Variants in ATP6V1G1 observed in about 807,000 individuals in gnomAD.
ATP6V1G1 encodes ATPase H+ transporting V1 subunit G1.
Under a neutral mutation model 14.2 loss-of-function variants are expected in ATP6V1G1, and 14 were observed. The ratio of observed to expected loss-of-function variants is 0.99; its 90% CI spans 0.65 to 1.55. ATP6V1G1 has a LOEUF of 1.55. Among genes scored for constraint, ATP6V1G1 ranks in the 40% most tolerant of loss-of-function variants. ATP6V1G1 has a pLI of 0.00. For synonymous variants in ATP6V1G1, 65 were observed against 53.3 expected (o/e 1.22, Z -0.96); for missense variants, 137 against 146.4 (o/e 0.94, Z 0.33).
At chr9:114,595,692 G>T (rs1392323378) in intron 2 of ATP6V1G1, among the ~76,000 whole-genome samples, 1 of 152,016 alleles carries the variant, frequency 6.6e-6, no homozygotes, top group African/African-American at 2.4e-5. Flanking sequence ...GCACAGTGGT[G>T]CACACCTGTG....
intron 1 of ATP6V1G1, chr9:114,588,122 A>T (rs947547951): frequency 1.1e-5 from 7 of 613,592 alleles, no homozygotes; most frequent in Non-Finnish European, 2.0e-5. Context: ...TGAGATGGTA[A>T]ATTGGGCGTG....
rs1253746273 is a variant in ATP6V1G1, at chr9:114,587,821, C to T, written c.-18C>T. 6.3e-7 allele frequency: 1 copy of T among 1,576,474 alleles called. No homozygotes were observed. The highest frequency in any genetic ancestry group is 1.9e-5 in the Admixed American group (1 of 53,772). On this transcript the variant is annotated 5_prime_UTR_variant, in exon 1 of 3. Transcript: ENST00000374050. Reference sequence around the variant, plus strand: ...GGTGCCTTAGGCCGCTTGCCTTGCTCTCAGAATCGCTGCCGCCATGGCTAG... The same window carrying T: ...GGTGCCTTAGGCCGCTTGCCTTGCTTTCAGAATCGCTGCCGCCATGGCTAG...
chr9:114,587,960 G>C (rs1370800107), intron 1 of ATP6V1G1, 40 bp downstream of exon 1: 7 of 1,550,406 alleles, frequency 4.5e-6, no homozygotes, highest in African/African-American at 1.4e-5. Flanking sequence ...GGCGCGAGTC[G>C]AAGAAAGACC....
intron 1 of ATP6V1G1, chr9:114,588,203 G>A (rs779537511): frequency 4.5e-6 from 2 of 446,558 alleles, no homozygotes; most frequent in Non-Finnish European, 8.0e-6. Flanking sequence ...GGAGCTCTTT[G>A]TTCTTCTTCT....
At chr9:114,590,208 A>AC (rs979063077) in intron 1 of ATP6V1G1, among the ~76,000 whole-genome samples, 9 of 151,406 alleles carry the variant, frequency 5.9e-5, no homozygotes, top group Admixed American at 2.6e-4. Context: ...CAAAAAAAAA[A>AC]AAAAACAAAA....
At chr9:114,588,681 T>C (rs1845153602) in intron 1 of ATP6V1G1, among the ~76,000 whole-genome samples, 1 of 152,114 alleles carries the variant, frequency 6.6e-6, no homozygotes, top group Non-Finnish European at 1.5e-5. Flanking sequence ...TGGAGAAATG[T>C]AAGGTTGCTA....
chr9:114,595,497 T>C (rs1208988795), intron 2 of ATP6V1G1, among the ~76,000 whole-genome samples: 1 of 151,898 alleles, frequency 6.6e-6, no homozygotes, highest in Non-Finnish European at 1.5e-5. Flanking sequence ...ACAAAAAAAA[T>C]ACAGAAATTA....
At chr9:114,590,822 C>A (rs1187898662) in intron 1 of ATP6V1G1, among the ~76,000 whole-genome samples, 1 of 151,830 alleles carries the variant, frequency 6.6e-6, no homozygotes, top group African/African-American at 2.4e-5. Context: ...GAGATGGATT[C>A]TCGCTCTGTC....
chr9:114,592,160 G>T (rs1008944085), intron 1 of ATP6V1G1, among the ~76,000 whole-genome samples: 3 of 152,298 alleles, frequency 2.0e-5, no homozygotes, highest in Admixed American at 1.3e-4. Context: ...AAGCATCTGA[G>T]TAGGGTTGCA....
intron 2 of ATP6V1G1, among the ~76,000 whole-genome samples, chr9:114,596,791 C>T (rs1030103295): frequency 1.3e-5 from 2 of 151,962 alleles, no homozygotes; most frequent in Admixed American, 1.3e-4. Context: ...TTTTTAAAAA[C>T]CTTGTATCTC....
At chr9:114,595,872 A>C (rs1308799667) in intron 2 of ATP6V1G1, among the ~76,000 whole-genome samples, 2 of 152,154 alleles carry the variant, frequency 1.3e-5, no homozygotes, top group African/African-American at 4.8e-5. Context: ...TATTATGCAA[A>C]TATGAAGGGA....
At chr9:114,593,299 C>T (rs1215486710) in intron 2 of ATP6V1G1, among the ~76,000 whole-genome samples, 4 of 152,032 alleles carry the variant, frequency 2.6e-5, no homozygotes, top group Non-Finnish European at 4.4e-5. Flanking sequence ...ATGTATTGGC[C>T]TATATAATTA....
intron 2 of ATP6V1G1, among the ~76,000 whole-genome samples, chr9:114,596,352 C>T (rs1845238101): frequency 6.8e-6 from 1 of 147,514 alleles, no homozygotes; most frequent in African/African-American, 2.5e-5. Context: ...CGCGCCACTG[C>T]ACTCCAGCCT....
rs1845269025 is a variant in ATP6V1G1 at position 114,598,743 on chromosome 9, A to G, written c.*1000A>G. On this transcript the variant is annotated 3_prime_UTR_variant, in exon 3 of 3. Coordinates refer to ENST00000374050, the MANE Select transcript of ATP6V1G1 (RefSeq NM_004888.4). ...CTTCATACTAGCCCTTACAAGTTAA[A>G]TGTCCTGTGGCCATCTTAGCCGAAA... is the stretch of plus-strand genomic sequence containing the variant. Among the ~76,000 whole-genome samples, 1 of 152,192 alleles carries G rather than the reference A, an allele frequency of 6.6e-6. No homozygotes were observed. Among genetic ancestry groups the G allele is most frequent in the South Asian group, 2.1e-4 (1 of 4,836 alleles).
intron 1 of ATP6V1G1, among the ~76,000 whole-genome samples, chr9:114,591,904 G>A (rs148735665): frequency 6.6e-6 from 1 of 151,948 alleles, no homozygotes; most frequent in African/African-American, 2.4e-5. Flanking sequence ...CAAACCTAGA[G>A]ATTTTTTCCA....
intron 1 of ATP6V1G1, among the ~76,000 whole-genome samples, chr9:114,590,200 A>G (rs1337263106): frequency 6.8e-6 from 1 of 147,956 alleles, no homozygotes; most frequent in Non-Finnish European, 1.5e-5. Context: ...CGCCGTCTCA[A>G]AAAAAAAAAA....
At chr9:114,593,902 GC>G (rs1478173916) in intron 2 of ATP6V1G1, among the ~76,000 whole-genome samples, 1 of 151,916 alleles carries the variant, frequency 6.6e-6, no homozygotes, top group African/African-American at 2.4e-5. Context: ...ACCAGCCTGG[GC>G]AATAAACCAA....
intron 2 of ATP6V1G1, among the ~76,000 whole-genome samples, chr9:114,596,856 A>G (rs1176284545): frequency 6.6e-6 from 1 of 152,140 alleles, no homozygotes; most frequent in Non-Finnish European, 1.5e-5. Context: ...ATACTGTTGT[A>G]TATCTTGCTT....
rs1311583103 is a variant in ATP6V1G1, at chr9:114,598,871, C to T, written c.*1128C>T. On this transcript the variant is annotated 3_prime_UTR_variant, in exon 3 of 3. Transcript: ENST00000374050. ...ACAACTAGATGACCTTAAAAACCCTCATATTTAATATGACTCAGGATTTTA... is the reference window on the plus strand; with the variant it reads ...ACAACTAGATGACCTTAAAAACCCTTATATTTAATATGACTCAGGATTTTA... Among the ~76,000 whole-genome samples, 1 of 151,890 alleles carries T rather than the reference C, an allele frequency of 6.6e-6. No individual in the cohort carries two copies. The highest frequency in any genetic ancestry group is 1.5e-5 in the Non-Finnish European group (1 of 67,994).
Sources: gnomAD v4.1 joint callset for allele counts (sites outside exome capture counted in the v4.1 genomes callset) on GRCh38, gnomAD v4.1.1 for gene constraint, MANE v1.5 for transcripts, NCBI Gene and HGNC (gene_info 2026-07-23, HGNC 2026-07-21) for gene names.